LONRF1: variants seen among roughly 807,000 people sequenced by gnomAD.
LONRF1 encodes the protein LON peptidase N-terminal domain and RING finger protein 1.
Under a neutral mutation model 85.8 loss-of-function variants are expected in LONRF1, and 37 were observed. That is an observed-to-expected ratio of 0.43 (90% confidence interval 0.33 to 0.57). LONRF1 has a LOEUF of 0.57. Ranked by LOEUF, LONRF1 falls within the 20% of genes least tolerant of loss-of-function variation. The probability of loss-of-function intolerance (pLI) is 0.04; values close to 1 mark genes in which losing one functional copy is unlikely to be tolerated. For missense variants in LONRF1, 1,036 were observed against 978.0 expected (o/e 1.06, Z -0.79); for synonymous variants, 517 against 390.1 (o/e 1.33, Z -3.83).
intron 10 of LONRF1, among the ~76,000 whole-genome samples, chr8:12,727,037 G>A (rs763792907): frequency 6.6e-6 from 1 of 150,958 alleles, no homozygotes; most frequent in Non-Finnish European, 1.5e-5. Context: ...AAGAATTTTG[G>A]TCCTGAAATG....
intron 1 of LONRF1, among the ~76,000 whole-genome samples, chr8:12,747,757 T>TC (rs1491172644): frequency 1.0e-3 from 4 of 3,896 alleles, no homozygotes; most frequent in Non-Finnish European, 2.1e-3. Flanking sequence ...AATCTCTCTC[T>TC]TTTTTTTTTT....
At chr8:12,733,639 T>C (rs931002294) in intron 7 of LONRF1, among the ~76,000 whole-genome samples, 1 of 152,106 alleles carries the variant, frequency 6.6e-6, no homozygotes, top group Non-Finnish European at 1.5e-5. Context: ...ATAAAATCAT[T>C]CATTTTAAAT....
chr8:12,744,480 G>C (rs375048738), intron 1 of LONRF1, among the ~76,000 whole-genome samples: 57 of 152,200 alleles, frequency 3.7e-4, no homozygotes, highest in African/African-American at 1.3e-3. Flanking sequence ...AAATGCATAA[G>C]AATTAAAAGT....
At position 12,737,980 on chromosome 8, in the gene LONRF1, T is replaced by A; in HGVS notation, c.1113+15A>T. 1 of 1,592,496 alleles carries A rather than the reference T, an allele frequency of 6.3e-7. No individual in the cohort carries two copies. The highest frequency in any genetic ancestry group is 8.5e-7 in the Non-Finnish European group (1 of 1,173,462). ...GGATACGCTAAACTCATGATAACCT[T>A]GTCTCACCCCGTACCTGCTTTGGGC... is the stretch of plus-strand genomic sequence containing the variant. On this transcript the variant is annotated intron_variant, in intron 4 of 11. Coordinates refer to ENST00000398246, the MANE Select transcript of LONRF1 (RefSeq NM_152271.5).
At chr8:12,738,363 C>T (rs1474877142) in intron 3 of LONRF1, among the ~76,000 whole-genome samples, 1 of 152,054 alleles carries the variant, frequency 6.6e-6, no homozygotes, top group Non-Finnish European at 1.5e-5. Flanking sequence ...TGATTCAAAA[C>T]TTTGAAAGGA....
rs1317170825 is a variant in LONRF1 at position 12,755,158 on chromosome 8, G to A, written c.263C>T (p.Ala88Val). The A allele has an allele frequency of 1.4e-6, 2 of 1,421,230 alleles. No homozygotes were observed. The highest frequency in any genetic ancestry group is 1.8e-6 in the Non-Finnish European group (2 of 1,089,586). The allele number at this position is 1,421,230 out of a possible 1,614,324, so 88.0% of individuals were successfully genotyped here. ...GTTGAACACCAGGCAGTCCACCAGG[G>A]CGCCCAGGCACTCGGGCCTGGCCGG... ...GAPARPECLG[A>V]LVDCLVFNYR... The change falls in exon 1 of 12, where the codon GCC (alanine) becomes GTC (valine). Residue 88 changes from alanine to valine, a missense_variant. Transcript: ENST00000398246.
At chr8:12,725,614 G>A (rs1036552508) in intron 11 of LONRF1, 113 bp downstream of exon 11, 1 of 1,024,666 alleles carries the variant, frequency 9.8e-7, no homozygotes, top group Admixed American at 2.2e-5. Context: ...GCGGGGGAGG[G>A]GACAGTCAAA....
chr8:12,735,765 G>A (rs1034065314), intron 6 of LONRF1: 2 of 162,854 alleles, frequency 1.2e-5, no homozygotes, highest in African/African-American at 4.8e-5. Context: ...AATAAATAAT[G>A]TAAAATACAT....
intron 8 of LONRF1, among the ~76,000 whole-genome samples, chr8:12,730,674 G>A (rs1172529733): frequency 1.3e-5 from 2 of 152,142 alleles, no homozygotes; most frequent in African/African-American, 4.8e-5. Flanking sequence ...CTTCAGCACT[G>A]ATCAGAAAGG....
At position 12,731,770 on chromosome 8, in the gene LONRF1, T is replaced by C; in HGVS notation, c.1654A>G (p.Lys552Glu). Residue 552 changes from lysine (K) to glutamate (E), a missense_variant, in exon 8 of 12, where the codon AAA becomes GAA. By Grantham distance (56) the Lys-to-Glu change is moderately conservative. This residue lies in a region of LONRF1 where 265 missense variants were observed against 301.5 expected (regional missense o/e 0.88). Transcript: ENST00000398246. ...YLPDELSERK[K>E]IYDEETAELS... ...TCAGCAGTTTCTTCATCATATATTT[T>C]TTTTCTCTCAGACAGTTCATCAGGC... 1 of 1,613,158 alleles carries C rather than the reference T, an allele frequency of 6.2e-7. No homozygotes were observed. Among genetic ancestry groups the C allele is most frequent in the Non-Finnish European group, 8.5e-7 (1 of 1,179,464 alleles).
rs200651823 is a variant in LONRF1, at chr8:12,740,922, G to A, written c.915C>T (p.Cys305=). 2.5e-4 allele frequency: 405 copies of A among 1,613,416 alleles called. No individual in the cohort carries two copies. Among genetic ancestry groups the A allele is most frequent in the Non-Finnish European group, 3.1e-4 (369 of 1,179,640 alleles). ...LGDALQLFLQ[C]LALDEDFAPA... Reference sequence around the variant, plus strand: ...GTGCAAAATCTTCATCAAGGGCTAAGCACTGAAGAAAGAGTTGTAAGGCAT... The same window carrying A: ...GTGCAAAATCTTCATCAAGGGCTAAACACTGAAGAAAGAGTTGTAAGGCAT... Residue 305 remains cysteine (C), a synonymous_variant, in exon 3 of 12, where the codon TGC becomes TGT. Coordinates refer to ENST00000398246, the MANE Select transcript of LONRF1 (RefSeq NM_152271.5).
chr8:12,735,465 T>C, intron 6 of LONRF1, 65 bp from the exon 7 acceptor site: 2 of 1,012,622 alleles, frequency 2.0e-6, no homozygotes, highest in Non-Finnish European at 3.0e-6. Flanking sequence ...CTTGTACTAC[T>C]TTAGAACCAT....
intron 1 of LONRF1, among the ~76,000 whole-genome samples, chr8:12,747,372 A>C (rs1009836756): frequency 6.6e-6 from 1 of 152,224 alleles, no homozygotes; most frequent in Non-Finnish European, 1.5e-5. Context: ...CACCTTCAAG[A>C]AAGTTTTTTT....
chr8:12,732,179 G>T (rs1335446180), intron 7 of LONRF1, among the ~76,000 whole-genome samples: 1 of 152,212 alleles, frequency 6.6e-6, no homozygotes, highest in African/African-American at 2.4e-5. Flanking sequence ...TTTTCCACCT[G>T]ACAGCTCATG....
chr8:12,736,223 T>C (rs2117270444), intron 6 of LONRF1, among the ~76,000 whole-genome samples: 1 of 152,300 alleles, frequency 6.6e-6, no homozygotes, highest in East Asian at 1.9e-4. Flanking sequence ...ACATTTAGTC[T>C]TTTAGAATTA....
intron 1 of LONRF1, among the ~76,000 whole-genome samples, chr8:12,745,220 A>AT (rs1348548037): frequency 1.3e-5 from 2 of 151,980 alleles, no homozygotes; most frequent in East Asian, 3.9e-4. Flanking sequence ...CTAAGTAGAG[A>AT]TAAAAAGAGC....
At position 12,755,333 on chromosome 8, in the gene LONRF1, C is replaced by A; in HGVS notation, c.88G>T (p.Val30Leu). 1 of 1,249,234 alleles carries A rather than the reference C, an allele frequency of 8.0e-7. No homozygotes were observed. 77.4% of individuals were successfully genotyped at this position (1,249,234 alleles called of 1,614,324 possible). A position where few individuals can be genotyped will look rare whatever the true frequency, so the allele number is the denominator to read the frequency against. Reference sequence around the variant, plus strand: ...AGCCGATGGCCGCTGCCGCCGCCCACTTCCCAGAACCGGCCTCGGCCCTGC... The same window carrying A: ...AGCCGATGGCCGCTGCCGCCGCCCAATTCCCAGAACCGGCCTCGGCCCTGC... Reference protein sequence around the residue: ...APQGRGRFWEVGGGSGHRLER... With the variant: ...APQGRGRFWELGGGSGHRLER... Residue 30 changes from valine to leucine, a missense_variant, in exon 1 of 12, where the codon GTG (valine) becomes TTG (leucine). Physicochemically the swap from Val to Leu is conservative, Grantham distance 32. Coordinates refer to ENST00000398246, the MANE Select transcript of LONRF1 (RefSeq NM_152271.5).
Position 12,736,748 on chromosome 8 carries a change from T to C in LONRF1, c.1404A>G (p.Pro468=). 3.7e-6 allele frequency: 6 copies of C among 1,612,264 alleles called. No homozygotes were observed. Among genetic ancestry groups the C allele is most frequent in the Non-Finnish European group, 5.1e-6 (6 of 1,179,122 alleles). Residue 468 remains proline, a synonymous_variant, in exon 6 of 12, where the codon CCA becomes CCG. Transcript: ENST00000398246. The part of the protein sequence containing the change: ...CMFSLAYGDI[P]EELIDVSDFE... ...AATCTGAGACATCGATTAATTCTTC[T>C]GGAATATCACCATAAGCTAAGGAAA...
rs1193731318 is a variant in LONRF1 at position 12,754,938 on chromosome 8, C to T, written c.483G>A (p.Arg161=). 2 of 1,488,458 alleles carry T rather than the reference C, an allele frequency of 1.3e-6. No homozygotes were observed. Among genetic ancestry groups the T allele is most frequent in the Non-Finnish European group, 8.9e-7 (1 of 1,123,956 alleles). The allele number at this position is 1,488,458 out of a possible 1,614,324, so 92.2% of individuals were successfully genotyped here. ...LRARCRLCRD[R]LPPATASATD... ...TGGCACTGGCGGTGGCGGGCGGCAGCCGGTCCCGGCAGAGGCGGCAGCGGG... is the reference window on the plus strand; with the variant it reads ...TGGCACTGGCGGTGGCGGGCGGCAGTCGGTCCCGGCAGAGGCGGCAGCGGG... The change falls in exon 1 of 12, where the codon CGG becomes CGA. Residue 161 remains arginine, a synonymous_variant. Transcript: ENST00000398246.
Sources: allele counts gnomAD v4.1 joint callset (sites outside exome capture counted in the v4.1 genomes callset), GRCh38; gene constraint gnomAD v4.1.1; regional missense constraint gnomAD v4.1.1; transcripts MANE v1.5; gene names NCBI Gene and HGNC (gene_info 2026-07-23, HGNC 2026-07-21).